L2HGDH: variants seen among roughly 807,000 people sequenced by gnomAD.
L2HGDH encodes the protein L-2-hydroxyglutarate dehydrogenase, mitochondrial.
L2HGDH carries 34 observed loss-of-function variants against 51.5 expected under a neutral mutation model. The observed-to-expected ratio is 0.66, with a 90% CI of 0.50 to 0.88. The LOEUF (loss-of-function observed/expected upper bound fraction) is 0.88, where lower values mean the gene tolerates loss of function less well. Ranked by LOEUF, L2HGDH falls within the 40% of genes least tolerant of loss-of-function variation. The pLI is 0.00. For missense variants in L2HGDH, 558 were observed against 571.9 expected (o/e 0.98, Z 0.25); for synonymous variants, 198 against 197.9 (o/e 1.00, Z -0.01).
intron 9 of L2HGDH, among the ~76,000 whole-genome samples, chr14:50,263,421 G>A (rs1889150561): frequency 6.6e-6 from 1 of 152,194 alleles, no homozygotes; most frequent in African/African-American, 2.4e-5. Flanking sequence ...AAACATGCTG[G>A]TCTCAGAATG....
At chr14:50,303,194 G>C (rs532982543) in intron 1 of L2HGDH, among the ~76,000 whole-genome samples, 177 bp from the exon 2 acceptor site, 12 of 151,594 alleles carry the variant, frequency 7.9e-5, no homozygotes, top group Non-Finnish European at 1.0e-4. Flanking sequence ...GTGGCCGAGG[G>C]GGGCGGATCA....
At chr14:50,251,172 T>C (rs1180413898) in intron 9 of L2HGDH, among the ~76,000 whole-genome samples, 1 of 151,976 alleles carries the variant, frequency 6.6e-6, no homozygotes, top group African/African-American at 2.4e-5. Context: ...AACAAAGGGA[T>C]TGAAATAATT....
Position 50,273,258 on chromosome 14 carries a change from A to G in L2HGDH, c.739-3928T>C, listed in dbSNP as rs549413229. Among the ~76,000 whole-genome samples, 10 of 152,296 alleles carry G rather than the reference A, an allele frequency of 6.6e-5. No individual in the cohort carries two copies. In the South Asian group the frequency reaches 2.1e-3, roughly 32 times the overall value. ...TTGGCCAAGGACAATTTTAATAATC[A>G]TTAGAAAAAGATGACCTGCCCTGTG... On this transcript the variant is annotated intron_variant, in intron 6 of 9. Coordinates refer to ENST00000267436, the MANE Select transcript of L2HGDH (RefSeq NM_024884.3).
chr14:50,257,103 AT>A (rs1234152983), intron 9 of L2HGDH, among the ~76,000 whole-genome samples: 1 of 151,782 alleles, frequency 6.6e-6, no homozygotes, highest in Non-Finnish European at 1.5e-5. Context: ...TAGTTTTTGT[AT>A]TTTTAGTAAA....
chr14:50,265,868 C>T (rs1595084233), intron 8 of L2HGDH, among the ~76,000 whole-genome samples: 4 of 152,228 alleles, frequency 2.6e-5, no homozygotes, highest in Admixed American at 6.5e-5. Flanking sequence ...GAGCTGAGAT[C>T]GTGCCACTGC....
chr14:50,272,440 A>G (rs1463842653), intron 6 of L2HGDH, among the ~76,000 whole-genome samples: 2 of 152,218 alleles, frequency 1.3e-5, no homozygotes, highest in African/African-American at 2.4e-5. Context: ...ATCTGATGGT[A>G]ATCGAAGGGT....
At chr14:50,290,395 A>G (rs1003723356) in intron 4 of L2HGDH, among the ~76,000 whole-genome samples, 2 of 152,198 alleles carry the variant, frequency 1.3e-5, no homozygotes, top group Non-Finnish European at 2.9e-5. Flanking sequence ...TCCATCTTAC[A>G]TATTCAAATT....
chr14:50,294,143 T>G lies in L2HGDH; in HGVS notation c.512A>C (p.Asp171Ala). 6.2e-7 allele frequency: 1 copy of G among 1,613,986 alleles called. No individual in the cohort carries two copies. Among genetic ancestry groups the G allele is most frequent in the Non-Finnish European group, 8.5e-7 (1 of 1,179,948 alleles). ...VPGLRLIQQE[D>A]IKKKEPYCRG... ...ACAATATGGCTCCTTCTTTTTTATA[T>G]CCTCCTGCTGGATCAGCCTCAGGCC... The change falls in exon 4 of 10, where the codon GAT becomes GCT. Residue 171 changes from aspartate (D) to alanine (A), a missense_variant. Around this residue, in one of 3 missense-constraint regions of L2HGDH, gnomAD observed 43 missense variants for 72.9 expected, o/e 0.59. Coordinates refer to ENST00000267436, the MANE Select transcript of L2HGDH (RefSeq NM_024884.3).
intron 6 of L2HGDH, among the ~76,000 whole-genome samples, chr14:50,271,924 T>C (rs374191259): frequency 6.6e-6 from 1 of 152,190 alleles, no homozygotes; most frequent in African/African-American, 2.4e-5. Flanking sequence ...GTGAATCACT[T>C]GAGGCCAGGA....
At chr14:50,269,137 G>T (rs758709548) in intron 7 of L2HGDH, 26 bp downstream of exon 7, 14 of 1,534,164 alleles carry the variant, frequency 9.1e-6, no homozygotes, top group Non-Finnish European at 1.2e-5. Context: ...TGAAAAAAAT[G>T]AGAAGTAGGA....
intron 6 of L2HGDH, among the ~76,000 whole-genome samples, chr14:50,270,291 C>G (rs1889596809): frequency 6.6e-6 from 1 of 152,136 alleles, no homozygotes; most frequent in Non-Finnish European, 1.5e-5. Context: ...TAAGTTTAGC[C>G]AATTTGTCAC....
chr14:50,310,168 T>C (rs538070020), intron 1 of L2HGDH, among the ~76,000 whole-genome samples: 1 of 152,328 alleles, frequency 6.6e-6, no homozygotes, highest in African/African-American at 2.4e-5. Context: ...ACTATAGTTA[T>C]ATAAGATGTT....
At chr14:50,298,061 T>C (rs1419565721) in intron 3 of L2HGDH, among the ~76,000 whole-genome samples, 1 of 151,966 alleles carries the variant, frequency 6.6e-6, no homozygotes, top group African/African-American at 2.4e-5. Flanking sequence ...CTAGTTAACA[T>C]AGTGAAACCA....
rs1888201123 is a variant in L2HGDH at position 50,249,346 on chromosome 14, C to T, written c.1197-2093G>A. Among the ~76,000 whole-genome samples the T allele has an allele frequency of 1.3e-5, 2 of 152,278 alleles. 1 individual carries two copies. The highest frequency in any genetic ancestry group is 4.1e-4 in the South Asian group (2 of 4,824). On this transcript the variant is annotated intron_variant, in intron 9 of 9. Coordinates refer to ENST00000267436, the MANE Select transcript of L2HGDH (RefSeq NM_024884.3). ...ACCAGCCGGCATAGCTAAAAGAGTG[C>T]TTGCATCATCCATCCCCCAAACAAA...
At chr14:50,276,859 C>T (rs1435785498) in intron 6 of L2HGDH, among the ~76,000 whole-genome samples, 1 of 152,214 alleles carries the variant, frequency 6.6e-6, no homozygotes, top group Non-Finnish European at 1.5e-5. Flanking sequence ...GTTTCTCAAC[C>T]TCAGTACTAC....
At chr14:50,270,507 G>GTTA (rs1889611882) in intron 6 of L2HGDH, among the ~76,000 whole-genome samples, 7 of 151,236 alleles carry the variant, frequency 4.6e-5, no homozygotes. Flanking sequence ...TGTTGTTGTT[G>GTTA]TTGTTGTTGT....
At position 50,312,008 on chromosome 14, in the gene L2HGDH, C is replaced by G. The variant is rs954983780; in HGVS notation, c.140+3G>C. 7 of 1,560,896 alleles carry G rather than the reference C, an allele frequency of 4.5e-6. No individual in the cohort carries two copies. The African/African-American group carries it at 9.5e-5, about 21-fold the overall frequency. ...GCGGCGGGGAGGACCAGCGGCCACT[C>G]ACCTGGTGCTGGCGCTGCGGCTACC... is the stretch of plus-strand genomic sequence containing the variant. On this transcript the variant is annotated splice_donor_region_variant and intron_variant, in intron 1 of 9. Transcript: ENST00000267436.
chr14:50,310,731 G>A (rs2031069933), intron 1 of L2HGDH, among the ~76,000 whole-genome samples: 1 of 151,864 alleles, frequency 6.6e-6, no homozygotes, highest in African/African-American at 2.4e-5. Flanking sequence ...AACATTTTAA[G>A]TATAAACAAA....
At chr14:50,298,241 CA>C (rs1376185765) in intron 3 of L2HGDH, among the ~76,000 whole-genome samples, 254 of 128,580 alleles carry the variant, frequency 2.0e-3, no homozygotes, top group Middle Eastern at 4.2e-3. Context: ...GACTCTGTCT[CA>C]AAAAAAAAAA....
Sources: allele counts gnomAD v4.1 joint callset (sites outside exome capture counted in the v4.1 genomes callset), GRCh38; gene constraint gnomAD v4.1.1; regional missense constraint gnomAD v4.1.1; transcripts MANE v1.5; gene names NCBI Gene and HGNC (gene_info 2026-07-23, HGNC 2026-07-21).